Variants in NDUFAF2 observed in about 807,000 individuals in gnomAD.
NDUFAF2 encodes the protein NADH:ubiquinone oxidoreductase complex assembly factor 2.
In NDUFAF2, 13 loss-of-function variants were observed where a neutral mutation model predicts 22.8. The ratio of observed to expected loss-of-function variants is 0.57; its 90% CI spans 0.37 to 0.91. The LOEUF (loss-of-function observed/expected upper bound fraction) is 0.91, where lower values mean the gene tolerates loss of function less well. Ranked by LOEUF, NDUFAF2 falls within the 40% of genes least tolerant of loss-of-function variation. NDUFAF2 has a pLI of 0.01. For synonymous variants in NDUFAF2, 53 were observed against 64.2 expected (o/e 0.83, Z 0.84); for missense variants, 162 against 195.2 (o/e 0.83, Z 1.01).
chr5:60,986,739 G>C (rs1197304355), intron 1 of NDUFAF2, among the ~76,000 whole-genome samples: 1 of 151,848 alleles, frequency 6.6e-6, no homozygotes, highest in Non-Finnish European at 1.5e-5. Context: ...GACCAGCCTG[G>C]CCAACATAGT....
chr5:61,007,239 T>C (rs982167371), intron 1 of NDUFAF2, among the ~76,000 whole-genome samples: 1 of 151,994 alleles, frequency 6.6e-6, no homozygotes, highest in African/African-American at 2.4e-5. Flanking sequence ...CTAGGGTTTT[T>C]ATGGTTTTAG....
At chr5:61,103,514 C>G (rs1454428974) in intron 3 of NDUFAF2, among the ~76,000 whole-genome samples, 1 of 151,858 alleles carries the variant, frequency 6.6e-6, no homozygotes, top group African/African-American at 2.4e-5. Context: ...TTTTATTTGT[C>G]CATATTTCTA....
intron 3 of NDUFAF2, among the ~76,000 whole-genome samples, chr5:61,139,233 G>A (rs1372812287): frequency 1.3e-5 from 2 of 152,172 alleles, no homozygotes; most frequent in South Asian, 2.1e-4. Flanking sequence ...ACAGTACACT[G>A]TAGAGTGTGG....
chr5:61,099,978 T>A lies in NDUFAF2; in HGVS notation c.258+946T>A, dbSNP rs151272463. Among the ~76,000 whole-genome samples, 347 of 152,310 alleles carry A rather than the reference T, an allele frequency of 2.3e-3. 1 individual carries two copies. Among genetic ancestry groups the A allele is most frequent in the African/African-American group, 7.9e-3 (328 of 41,584 alleles). ...TTTGCTCCATACATTTGTCATATAC[T>A]GAACCCATTAATGTTCATTCGGCCA... On this transcript the variant is annotated intron_variant, in intron 3 of 3. Coordinates refer to ENST00000296597, the MANE Select transcript of NDUFAF2 (RefSeq NM_174889.5).
chr5:61,052,164 A>G (rs1752032254), intron 1 of NDUFAF2, among the ~76,000 whole-genome samples: 1 of 148,374 alleles, frequency 6.7e-6, no homozygotes. Flanking sequence ...CAGTCCAGAA[A>G]AGGAAACAGT....
At chr5:60,978,046 A>G (rs1352928584) in intron 1 of NDUFAF2, among the ~76,000 whole-genome samples, 1 of 152,164 alleles carries the variant, frequency 6.6e-6, no homozygotes, top group Non-Finnish European at 1.5e-5. Context: ...CCCTGGTAGC[A>G]GCTGTGGGCC....
chr5:61,002,464 T>G (rs10058726), intron 1 of NDUFAF2, among the ~76,000 whole-genome samples: 7,179 of 152,240 alleles, frequency 0.047, 571 homozygotes, highest in African/African-American at 0.16. Flanking sequence ...TCAAGGACAT[T>G]GGAATCAATA....
chr5:61,105,111 A>G (rs894417532), intron 3 of NDUFAF2, among the ~76,000 whole-genome samples: 1 of 151,634 alleles, frequency 6.6e-6, no homozygotes, highest in Non-Finnish European at 1.5e-5. Context: ...TTCCTATGCC[A>G]TGACAGTAGT....
At chr5:60,976,779 A>G (rs974497945) in intron 1 of NDUFAF2, among the ~76,000 whole-genome samples, 1 of 152,064 alleles carries the variant, frequency 6.6e-6, no homozygotes, top group Non-Finnish European at 1.5e-5. Flanking sequence ...GTTCCCAGCA[A>G]TGCCTTTTTC....
chr5:61,134,685 C>T (rs1302250232), intron 3 of NDUFAF2, among the ~76,000 whole-genome samples: 1 of 151,376 alleles, frequency 6.6e-6, no homozygotes, highest in Non-Finnish European at 1.5e-5. Flanking sequence ...GACTCTGTCT[C>T]AAAAAACAAA....
chr5:61,071,462 T>C (rs1752298766), intron 1 of NDUFAF2, among the ~76,000 whole-genome samples: 1 of 152,212 alleles, frequency 6.6e-6, no homozygotes, highest in Non-Finnish European at 1.5e-5. Context: ...TTTCTTAGGC[T>C]TTCCTTTTAT....
chr5:60,961,459 G>T (rs1227665421), intron 1 of NDUFAF2, among the ~76,000 whole-genome samples: 1 of 152,062 alleles, frequency 6.6e-6, no homozygotes, highest in Non-Finnish European at 1.5e-5. Flanking sequence ...GCCGGGCATG[G>T]TGGCGGGTGC....
intron 1 of NDUFAF2, among the ~76,000 whole-genome samples, chr5:61,042,671 G>A (rs1751898767): frequency 6.6e-6 from 1 of 152,108 alleles, no homozygotes; most frequent in African/African-American, 2.4e-5. Context: ...GATAGATAAT[G>A]TTCTGTTTTT....
At chr5:61,079,267 C>A (rs746074766) in intron 2 of NDUFAF2, among the ~76,000 whole-genome samples, 1 of 152,154 alleles carries the variant, frequency 6.6e-6, no homozygotes, top group Non-Finnish European at 1.5e-5. Flanking sequence ...ATGTCTTTCT[C>A]AGGCCACAGG....
At chr5:61,117,636 G>A (rs1221017651) in intron 3 of NDUFAF2, among the ~76,000 whole-genome samples, 4 of 151,894 alleles carry the variant, frequency 2.6e-5, no homozygotes, top group Admixed American at 6.6e-5. Context: ...GATTATAGGC[G>A]TGAGCCACTG....
At chr5:61,109,640 G>T (rs1043862110) in intron 3 of NDUFAF2, among the ~76,000 whole-genome samples, 2 of 152,166 alleles carry the variant, frequency 1.3e-5, no homozygotes, top group African/African-American at 4.8e-5. Context: ...AAAAGACCTA[G>T]TAGGAAATAA....
At chr5:61,119,461 G>A (rs1752951235) in intron 3 of NDUFAF2, among the ~76,000 whole-genome samples, 1 of 151,886 alleles carries the variant, frequency 6.6e-6, no homozygotes, top group Non-Finnish European at 1.5e-5. Flanking sequence ...TTCATATATT[G>A]TTTTCAGAAA....
At chr5:61,035,004 G>T (rs957090645) in intron 1 of NDUFAF2, among the ~76,000 whole-genome samples, 1 of 151,000 alleles carries the variant, frequency 6.6e-6, no homozygotes, top group Admixed American at 6.6e-5. Context: ...AAATATCCAC[G>T]TGGAGCTAAA....
chr5:60,986,309 T>A (rs1580080953), intron 1 of NDUFAF2, among the ~76,000 whole-genome samples: 1 of 152,128 alleles, frequency 6.6e-6, no homozygotes. Flanking sequence ...GAATTTAATT[T>A]GGAGAAAATC....
Sources: gnomAD v4.1 joint callset for allele counts (sites outside exome capture counted in the v4.1 genomes callset) on GRCh38, gnomAD v4.1.1 for gene constraint, MANE v1.5 for transcripts, NCBI Gene and HGNC (gene_info 2026-07-23, HGNC 2026-07-21) for gene names.